The following CCDC47 variants were observed in gnomAD, a reference collection of about 807,000 sequenced individuals.
CCDC47 encodes the protein coiled-coil domain containing 47, also known as PAT complex subunit CCDC47.
A neutral mutation model predicts 60.5 loss-of-function variants in CCDC47; 41 were observed. The ratio of observed to expected loss-of-function variants is 0.68; its 90% confidence interval spans 0.53 to 0.88. CCDC47 has a LOEUF of 0.88. Ranked by LOEUF, CCDC47 falls within the 40% of genes least tolerant of loss-of-function variation. CCDC47 has a pLI of 0.00. For synonymous variants in CCDC47, 195 were observed against 190.7 expected (o/e 1.02, Z -0.18); for missense variants, 513 against 580.9 (o/e 0.88, Z 1.20).
At chr17:63,767,455 T>C (rs959643370) in intron 1 of CCDC47, among the ~76,000 whole-genome samples, 1 of 151,926 alleles carries the variant, frequency 6.6e-6, no homozygotes, top group Admixed American at 6.6e-5. Context: ...TTTTCCCAAA[T>C]AGGTAAGGCT....
At chr17:63,771,498 C>G (rs965783986) in intron 1 of CCDC47, among the ~76,000 whole-genome samples, 4 of 152,256 alleles carry the variant, frequency 2.6e-5, no homozygotes, top group African/African-American at 9.6e-5. Context: ...TATGGGAAAG[C>G]ATGCCACTTT....
intron 1 of CCDC47, among the ~76,000 whole-genome samples, chr17:63,769,871 C>G (rs1407385822): frequency 1.3e-5 from 2 of 151,944 alleles, no homozygotes; most frequent in African/African-American, 4.8e-5. Flanking sequence ...ATGGGTTGGA[C>G]AAGCTTGGTT....
At chr17:63,771,045 G>GAAGGAAGAAAGAAAGAAAGAAAGAAAGA (rs759971442) in intron 1 of CCDC47, among the ~76,000 whole-genome samples, 10 of 97,834 alleles carry the variant, frequency 1.0e-4, no homozygotes, top group African/African-American at 4.1e-4. Context: ...AGGAAGGAAG[G>GAAGGAAGAAAGAAAGAAAGAAAGAAAGA]AAGAAAGAAA....
rs186523749 is a variant in CCDC47 at position 63,747,905 on chromosome 17, A to C, written c.1372-944T>G. 109 of 453,592 alleles carry C rather than the reference A, an allele frequency of 2.4e-4. 2 individuals carry two copies. The East Asian group carries it at 1.0e-2, about 42-fold the overall frequency. 28.1% of individuals were successfully genotyped at this position (453,592 alleles called of 1,614,324 possible). A position where few individuals can be genotyped will look rare whatever the true frequency, so the allele number is the denominator to read the frequency against. The stretch of plus-strand genomic sequence containing the variant: ...GGTCTTGCTGTGTCACCCAGGCTGG[A>C]GTGCAGTGGCACAATCTCGGGTCAT... On this transcript the variant is annotated intron_variant, in intron 12 of 12. Coordinates refer to ENST00000225726, the MANE Select transcript of CCDC47 (RefSeq NM_020198.3).
chr17:63,762,380 G>A (rs2039267950), intron 4 of CCDC47, among the ~76,000 whole-genome samples: 1 of 152,170 alleles, frequency 6.6e-6, no homozygotes. Flanking sequence ...AGGTAGATAA[G>A]TTCTGATATC....
At chr17:63,770,726 C>T (rs544638981) in intron 1 of CCDC47, among the ~76,000 whole-genome samples, 10 of 152,146 alleles carry the variant, frequency 6.6e-5, no homozygotes, top group South Asian at 6.2e-4. Flanking sequence ...TGGCTCACAC[C>T]TGTAATCCCA....
chr17:63,764,307 T>C (rs928888968), intron 3 of CCDC47, 117 bp from the exon 4 acceptor site: 31 of 741,116 alleles, frequency 4.2e-5, no homozygotes, highest in East Asian at 2.4e-4. Flanking sequence ...ATATCTGTCA[T>C]TGAATAAGGT....
chr17:63,748,223 C>T (rs913464651), intron 12 of CCDC47, among the ~76,000 whole-genome samples: 1 of 151,892 alleles, frequency 6.6e-6, no homozygotes, highest in African/African-American at 2.4e-5. Flanking sequence ...GATGACTCTC[C>T]TGCCTCAGCC....
intron 12 of CCDC47, among the ~76,000 whole-genome samples, chr17:63,750,381 A>C (rs1452069325): frequency 6.6e-6 from 1 of 152,132 alleles, no homozygotes; most frequent in Non-Finnish European, 1.5e-5. Context: ...AAAACAAAAA[A>C]ATGATAAAAG....
chr17:63,768,324 TGATGG>T (rs958414521), intron 1 of CCDC47, among the ~76,000 whole-genome samples: 1 of 152,192 alleles, frequency 6.6e-6, no homozygotes, highest in Non-Finnish European at 1.5e-5. Flanking sequence ...ATATTATTTA[TGATGG>T]TGAAATTTGG....
intron 8 of CCDC47, among the ~76,000 whole-genome samples, chr17:63,754,903 A>G (rs2039194030): frequency 6.6e-6 from 1 of 151,888 alleles, no homozygotes; most frequent in Non-Finnish European, 1.5e-5. Flanking sequence ...AAAAAAAAAA[A>G]AAAGAAATTC....
chr17:63,760,918 T>C lies in CCDC47; in HGVS notation c.731A>G (p.Gln244Arg). 1.2e-6 allele frequency: 2 copies of C among 1,610,078 alleles called. No homozygotes were observed. The highest frequency in any genetic ancestry group is 1.7e-6 in the Non-Finnish European group (2 of 1,176,622). Residue 244 changes from glutamine (Q) to arginine (R), a missense_variant, in exon 6 of 13, where the codon CAA (glutamine) becomes CGA (arginine). Coordinates refer to ENST00000225726, the MANE Select transcript of CCDC47 (RefSeq NM_020198.3). ...LARMMRPVSD[Q>R]VQIKVTMNDE... ...ACCAGCGGGAAGAATACATACCACTTGATCACTCACTGGCCTCATCATCCG... is the reference window on the plus strand; with the variant it reads ...ACCAGCGGGAAGAATACATACCACTCGATCACTCACTGGCCTCATCATCCG...
At chr17:63,773,069 C>T (rs2039362711) in intron 1 of CCDC47, among the ~76,000 whole-genome samples, 1 of 152,208 alleles carries the variant, frequency 6.6e-6, no homozygotes. Flanking sequence ...GGAAATCATG[C>T]AGACTTTCCT....
chr17:63,749,954 C>CAAAAAT (rs1383242060), intron 12 of CCDC47, among the ~76,000 whole-genome samples: 1 of 151,180 alleles, frequency 6.6e-6, no homozygotes, highest in Non-Finnish European at 1.5e-5. Flanking sequence ...GACCCTGTCT[C>CAAAAAT]AAAAATAAAA....
chr17:63,747,089 G>C lies in CCDC47; in HGVS notation c.1372-128C>G, dbSNP rs373142563. 178 of 1,410,974 alleles carry C rather than the reference G, an allele frequency of 1.3e-4. 3 individuals are homozygous for C. In the East Asian group the frequency reaches 2.9e-3, roughly 23 times the overall value. 87.4% of individuals were successfully genotyped at this position (1,410,974 alleles called of 1,614,324 possible). On this transcript the variant is annotated intron_variant, in intron 12 of 12. Coordinates refer to ENST00000225726, the MANE Select transcript of CCDC47 (RefSeq NM_020198.3). ...CCTATAGTATTATTCAAAAACTTAG[G>C]CTTGCACCATAACATTCTAGAAGAT... is the stretch of plus-strand genomic sequence containing the variant.
chr17:63,769,613 CAA>C (rs60378449), intron 1 of CCDC47, among the ~76,000 whole-genome samples: 6 of 99,048 alleles, frequency 6.1e-5, no homozygotes, highest in Admixed American at 1.1e-4. Flanking sequence ...AACTCCATCT[CAA>C]AAAAAAAAAA....
At chr17:63,747,583 C>A (rs950507487) in intron 12 of CCDC47, 4 of 984,736 alleles carry the variant, frequency 4.1e-6, no homozygotes, top group Admixed American at 6.2e-5. Context: ...CTGATAGAAG[C>A]CTTAGAGGTC....
chr17:63,761,166 C>T (rs1216705285), intron 5 of CCDC47, 64 bp downstream of exon 5: 2 of 1,594,462 alleles, frequency 1.3e-6, no homozygotes, highest in Non-Finnish European at 1.7e-6. Flanking sequence ...AATTGGGGGG[C>T]TGGGAATCAC....
chr17:63,755,324 A>T (rs2039197182), intron 8 of CCDC47: 1 of 984,546 alleles, frequency 1.0e-6, no homozygotes, highest in Admixed American at 6.2e-5. Flanking sequence ...CTTTAGAATT[A>T]AAGTAGTACT....
Sources: allele counts gnomAD v4.1 joint callset (sites outside exome capture counted in the v4.1 genomes callset), GRCh38; gene constraint gnomAD v4.1.1; transcripts MANE v1.5; gene names NCBI Gene and HGNC (gene_info 2026-07-23, HGNC 2026-07-21).